The following TCF4 variants were observed in gnomAD, a reference collection of about 807,000 sequenced individuals.
TCF4 encodes the protein SL3-3 enhancer factor 2.
In TCF4, 3 loss-of-function variants were observed where a neutral mutation model predicts 82.1. The observed-to-expected ratio is 0.04, with a 90% CI of 0.02 to 0.09. The LOEUF (loss-of-function observed/expected upper bound fraction) is 0.09. Ranked by LOEUF, TCF4 falls within the 10% of genes least tolerant of loss-of-function variation. The pLI is 1.00. For synonymous variants in TCF4, 276 were observed against 309.6 expected (o/e 0.89, Z 1.14); for missense variants, 518 against 852.7 (o/e 0.61, Z 4.89).
intron 5 of TCF4, among the ~76,000 whole-genome samples, chr18:55,416,314 T>C (rs2094523908): frequency 6.6e-6 from 1 of 152,128 alleles, no homozygotes; most frequent in South Asian, 2.1e-4. Flanking sequence ...CTTTTACAGA[T>C]AAAAATTAAA....
At chr18:55,489,006 A>G (rs1364489420) in intron 3 of TCF4, among the ~76,000 whole-genome samples, 1 of 152,130 alleles carries the variant, frequency 6.6e-6, no homozygotes, top group African/African-American at 2.4e-5. Context: ...TCTAAAGTTC[A>G]TACAAATACG....
At chr18:55,351,138 C>T (rs1603287296) in intron 6 of TCF4, 135 bp from the exon 7 acceptor site, 2 of 1,115,436 alleles carry the variant, frequency 1.8e-6, no homozygotes, top group Non-Finnish European at 2.6e-6. Flanking sequence ...TAAAACAAAA[C>T]AAAAACCCAA....
At position 55,588,155 on chromosome 18, in the gene TCF4, C is replaced by T. The variant is rs2097671185; in HGVS notation, c.-138G>A. 1.8e-6 allele frequency: 2 copies of T among 1,095,120 alleles called. No homozygotes were observed. Among genetic ancestry groups the T allele is most frequent in the Non-Finnish European group, 2.2e-6 (2 of 906,764 alleles). The allele number at this position is 1,095,120 out of a possible 1,614,324, so 67.8% of individuals were successfully genotyped here. On this transcript the variant is annotated 5_prime_UTR_variant, in exon 1 of 20. Transcript: ENST00000354452. ...GCGCCCGCTCCCGCGCCTGCTGCCT[C>T]CCCGCCGCCGCCGCCGCCGCCGCCA...
intron 3 of TCF4, among the ~76,000 whole-genome samples, chr18:55,576,624 T>C (rs897528487): frequency 6.6e-6 from 1 of 152,156 alleles, no homozygotes; most frequent in African/African-American, 2.4e-5. Flanking sequence ...TACCTACTTG[T>C]CAAAATTCTA....
chr18:55,441,218 CTT>C (rs1165399540), intron 5 of TCF4, among the ~76,000 whole-genome samples: 2 of 152,202 alleles, frequency 1.3e-5, no homozygotes, highest in East Asian at 3.8e-4. Flanking sequence ...TTTCTCTTCT[CTT>C]GTTTGACCAC....
At chr18:55,425,904 C>T (rs537384762) in intron 5 of TCF4, among the ~76,000 whole-genome samples, 1 of 152,226 alleles carries the variant, frequency 6.6e-6, no homozygotes, top group South Asian at 2.1e-4. Context: ...TGCTCAGTGC[C>T]CCTGCTGTTT....
chr18:55,480,504 G>A (rs1445873815), intron 3 of TCF4, among the ~76,000 whole-genome samples: 1 of 152,158 alleles, frequency 6.6e-6, no homozygotes, highest in Non-Finnish European at 1.5e-5. Flanking sequence ...TGAGAAAGGT[G>A]AGTTATATGG....
chr18:55,426,450 C>T (rs1289880387), intron 5 of TCF4, among the ~76,000 whole-genome samples: 2 of 152,084 alleles, frequency 1.3e-5, no homozygotes, highest in East Asian at 3.9e-4. Context: ...GCAAGCACAC[C>T]CTCTAGGCTT....
chr18:55,321,576 C>T, intron 8 of TCF4: 2 of 1,523,554 alleles, frequency 1.3e-6, no homozygotes, highest in Non-Finnish European at 1.8e-6. Context: ...GGCAGTCCTG[C>T]ACAACTTTGC....
At chr18:55,502,411 C>T (rs2096711360) in intron 3 of TCF4, among the ~76,000 whole-genome samples, 1 of 152,178 alleles carries the variant, frequency 6.6e-6, no homozygotes, top group Admixed American at 6.5e-5. Context: ...TCACTGCTAC[C>T]TTGAAAATAT....
chr18:55,374,693 A>T (rs1317689112), intron 6 of TCF4, among the ~76,000 whole-genome samples: 2 of 151,904 alleles, frequency 1.3e-5, no homozygotes, highest in African/African-American at 4.8e-5. Context: ...TAAGTCCAGG[A>T]GTTCAAGACC....
At chr18:55,540,067 TTAAATAGACA>T (rs1165550702) in intron 3 of TCF4, among the ~76,000 whole-genome samples, 2 of 151,390 alleles carry the variant, frequency 1.3e-5, no homozygotes, top group African/African-American at 4.9e-5. Context: ...GTAGACTATA[TTAAATAGACA>T]TAAATAGACA....
chr18:55,330,884 T>TA (rs1413329469), intron 8 of TCF4, among the ~76,000 whole-genome samples: 2 of 152,206 alleles, frequency 1.3e-5, no homozygotes, highest in Non-Finnish European at 2.9e-5. Context: ...CTTTGTAACT[T>TA]ACCTGCATAA....
chr18:55,589,500 G>A (rs1164094471), upstream of TCF4: 2 of 1,051,252 alleles, frequency 1.9e-6, no homozygotes, highest in Non-Finnish European at 2.3e-6. Flanking sequence ...CCATAAAACT[G>A]CAACAAAATT....
intron 6 of TCF4, among the ~76,000 whole-genome samples, chr18:55,362,429 GGAAGGAAAAAAA>G: frequency 7.3e-6 from 1 of 136,558 alleles, no homozygotes; most frequent in African/African-American, 2.8e-5. Flanking sequence ...AAGGAAGGAA[GGAAGGAAAAAAA>G]AAAAGAAGAA....
At chr18:55,530,820 G>C (rs1245456204) in intron 3 of TCF4, among the ~76,000 whole-genome samples, 1 of 152,132 alleles carries the variant, frequency 6.6e-6, no homozygotes, top group Non-Finnish European at 1.5e-5. Flanking sequence ...GATCTATAGA[G>C]AAGGGTCCTC....
chr18:55,293,012 C>T (rs749741768), intron 8 of TCF4, among the ~76,000 whole-genome samples: 28 of 152,040 alleles, frequency 1.8e-4, no homozygotes, highest in Non-Finnish European at 3.2e-4. Context: ...GAGTTTCCTT[C>T]TGGGCTGGGG....
chr18:55,384,066 C>T (rs2092334832), intron 6 of TCF4: 1 of 152,174 alleles, frequency 6.6e-6, no homozygotes, highest in Non-Finnish European at 1.5e-5. Flanking sequence ...TAAAAAGTGA[C>T]TTTTTGGTCA....
intron 3 of TCF4, among the ~76,000 whole-genome samples, chr18:55,554,049 TAA>T (rs994878141): frequency 2.0e-5 from 3 of 152,058 alleles, no homozygotes; most frequent in Admixed American, 1.3e-4. Flanking sequence ...AAACAAAACA[TAA>T]AGTCACTCAT....
Sources: gnomAD v4.1 joint callset for allele counts (sites outside exome capture counted in the v4.1 genomes callset) on GRCh38, gnomAD v4.1.1 for gene constraint, MANE v1.5 for transcripts, NCBI Gene and HGNC (gene_info 2026-07-23, HGNC 2026-07-21) for gene names.